The following RSF1 variants were observed in gnomAD, a reference collection of about 807,000 sequenced individuals.
RSF1 encodes HBV pX-associated protein 8.
RSF1 carries 13 observed loss-of-function variants against 145.2 expected under a neutral mutation model. The observed-to-expected ratio is 0.09, with a 90% CI of 0.06 to 0.14. The LOEUF (loss-of-function observed/expected upper bound fraction) is 0.14, where lower values mean the gene tolerates loss of function less well. RSF1 is among the 10% of genes least tolerant of loss of function. The pLI, the probability that RSF1 is intolerant of heterozygous loss-of-function variation, is 1.00. For synonymous variants in RSF1, 577 were observed against 592.6 expected (o/e 0.97, Z 0.38); for missense variants, 1,517 against 1,718.2 (o/e 0.88, Z 2.07).
upstream of RSF1, among the ~76,000 whole-genome samples, chr11:77,822,566 T>C (rs1243558942): frequency 6.6e-6 from 1 of 152,168 alleles, no homozygotes; most frequent in Non-Finnish European, 1.5e-5. Flanking sequence ...CGAATTTTTT[T>C]CTTCATTTCC....
chr11:77,753,841 A>G (rs192227119), intron 2 of RSF1, among the ~76,000 whole-genome samples: 1 of 152,312 alleles, frequency 6.6e-6, no homozygotes, highest in East Asian at 1.9e-4. Flanking sequence ...TGTATGTCTG[A>G]TAACCAGTGG....
chr11:77,729,671 G>A (rs1961148865), intron 4 of RSF1, among the ~76,000 whole-genome samples: 1 of 151,170 alleles, frequency 6.6e-6, no homozygotes, highest in East Asian at 1.9e-4. Flanking sequence ...CAGCACCCTT[G>A]ATAATCTCCA....
intron 9 of RSF1, among the ~76,000 whole-genome samples, chr11:77,685,924 G>A (rs1959992401): frequency 6.6e-6 from 1 of 152,052 alleles, no homozygotes; most frequent in African/African-American, 2.4e-5. Flanking sequence ...CCTTATCAAG[G>A]TCCCAGTGAA....
rs575141044 is a variant in RSF1 at position 77,753,528 on chromosome 11, C to T, written c.280-6400G>A. ...GTCCAACGCGTGGCCCACAACAGGA[C>T]GGTTTTAAATGAGGCCCAATACAAA... On this transcript the variant is annotated intron_variant, in intron 2 of 15. Coordinates refer to ENST00000308488, the MANE Select transcript of RSF1 (RefSeq NM_016578.4). Among the ~76,000 whole-genome samples the T allele has an allele frequency of 7.3e-5, 11 of 150,786 alleles. No homozygotes were observed. The East Asian group carries it at 1.2e-3, about 16-fold the overall frequency.
upstream of RSF1, chr11:77,821,040 G>C: frequency 2.1e-6 from 1 of 478,638 alleles, no homozygotes. Flanking sequence ...GGGGAGGCGG[G>C]CTGGAAGCGG....
At position 77,700,779 on chromosome 11, in the gene RSF1, G is replaced by T; in HGVS notation, c.2450C>A (p.Thr817Asn). The change falls in exon 6 of 16, where the codon ACT (threonine) becomes AAT (asparagine). Residue 817 changes from threonine (T) to asparagine (N), a missense_variant. Transcript: ENST00000308488. The part of the protein sequence containing the change: ...VEEESTALQK[T>N]DKKEILKKSE... Reference sequence around the variant, plus strand: ...TTTTTTCAAAATTTCCTTTTTGTCAGTTTTTTGCAAAGCTGTTGACTCTTC... The same window carrying T: ...TTTTTTCAAAATTTCCTTTTTGTCATTTTTTTGCAAAGCTGTTGACTCTTC... The T allele has an allele frequency of 6.3e-7, 1 of 1,593,254 alleles. No homozygotes were observed. The highest frequency in any genetic ancestry group is 1.2e-5 in the South Asian group (1 of 86,290).
In RSF1 at chr11:77,662,898, T is replaced by C. The variant is rs1959263308; in HGVS notation, c.*4019A>G. Reference sequence around the variant, plus strand: ...TCAGGAGAAACTGTTGTCTAGATTTTCTGTAATTAAATGATGTTCATAATA... The same window carrying C: ...TCAGGAGAAACTGTTGTCTAGATTTCCTGTAATTAAATGATGTTCATAATA... On this transcript the variant is annotated 3_prime_UTR_variant, in exon 16 of 16. Transcript: ENST00000308488. 6.6e-6 allele frequency: 1 copy of C among 152,218 alleles called. No homozygotes were observed. Among genetic ancestry groups the C allele is most frequent in the South Asian group, 2.1e-4 (1 of 4,830 alleles). The allele number at this position is 152,218 out of a possible 1,614,324, so 9.4% of individuals were successfully genotyped here.
At chr11:77,825,755 G>A (rs557959469), upstream of RSF1, among the ~76,000 whole-genome samples, 4 of 150,662 alleles carry the variant, frequency 2.7e-5, no homozygotes, top group Non-Finnish European at 5.9e-5. Flanking sequence ...GCAGTGGCAC[G>A]ATCTAGGCTC....
upstream of RSF1, among the ~76,000 whole-genome samples, chr11:77,824,158 C>A (rs1412465503): frequency 2.0e-5 from 3 of 152,176 alleles, no homozygotes; most frequent in African/African-American, 7.2e-5. Flanking sequence ...ATGACACACA[C>A]CCATAATGCT....
chr11:77,823,056 T>C (rs2136017862), upstream of RSF1, among the ~76,000 whole-genome samples: 2 of 151,578 alleles, frequency 1.3e-5, no homozygotes, highest in South Asian at 4.2e-4. Context: ...CTACTAAAAA[T>C]ACAAAAAATT....
the RSF1 span, among the ~76,000 whole-genome samples, chr11:77,842,009 C>T: frequency 6.7e-6 from 1 of 148,742 alleles, no homozygotes; most frequent in Admixed American, 6.6e-5. Flanking sequence ...GGGGGTTGTT[C>T]CAGGCAAGAA....
intron 5 of RSF1, among the ~76,000 whole-genome samples, chr11:77,707,701 ACACTG>A (rs1179394513): frequency 6.6e-6 from 1 of 152,242 alleles, no homozygotes; most frequent in African/African-American, 2.4e-5. Flanking sequence ...TTATGCTCAT[ACACTG>A]GTAGTATTAG....
At chr11:77,791,012 C>T (rs953885347) in intron 1 of RSF1, among the ~76,000 whole-genome samples, 2 of 152,194 alleles carry the variant, frequency 1.3e-5, no homozygotes, top group Non-Finnish European at 2.9e-5. Context: ...CTCCACTAGG[C>T]AGTGCCCCAG....
At chr11:77,841,396 C>A in the RSF1 span, 2 of 592,094 alleles carry the variant, frequency 3.4e-6, no homozygotes, top group Admixed American at 2.9e-5. Flanking sequence ...TTCTTAAACC[C>A]AGTTTCCCAA....
chr11:77,671,815 G>A (rs1959559527), intron 15 of RSF1, among the ~76,000 whole-genome samples: 1 of 151,936 alleles, frequency 6.6e-6, no homozygotes, highest in African/African-American at 2.4e-5. Flanking sequence ...TTTATTTTTA[G>A]TAGAGACAAG....
At chr11:77,787,820 A>T (rs1779982729) in intron 1 of RSF1, among the ~76,000 whole-genome samples, 1 of 144,608 alleles carries the variant, frequency 6.9e-6, no homozygotes, top group Admixed American at 7.2e-5. Context: ...TTGCTAATGT[A>T]CCTTCAGAAC....
At chr11:77,769,360 A>G (rs758567272) in intron 1 of RSF1, among the ~76,000 whole-genome samples, 6 of 152,254 alleles carry the variant, frequency 3.9e-5, no homozygotes, top group Non-Finnish European at 7.3e-5. Context: ...AAACAGTTTC[A>G]TTTCCAGAAG....
the RSF1 span, among the ~76,000 whole-genome samples, chr11:77,862,889 A>G: frequency 6.6e-6 from 1 of 152,090 alleles, no homozygotes; most frequent in Non-Finnish European, 1.5e-5. Flanking sequence ...CTGAGAGTCA[A>G]ATTGGTCCCA....
intron 2 of RSF1, chr11:77,762,022 C>CTTT (rs1554994575): frequency 2.5e-5 from 2 of 80,256 alleles, no homozygotes; most frequent in Admixed American, 1.7e-4. Context: ...ATTTTCTTTT[C>CTTT]TTTTCTTTTT....
Sources: allele counts gnomAD v4.1 joint callset (sites outside exome capture counted in the v4.1 genomes callset), GRCh38; gene constraint gnomAD v4.1.1; transcripts MANE v1.5; gene names NCBI Gene and HGNC (gene_info 2026-07-23, HGNC 2026-07-21).